Variants in CCDC102B observed in about 807,000 individuals in gnomAD.
CCDC102B encodes coiled-coil domain-containing protein 102B.
A neutral mutation model predicts 57.4 loss-of-function variants in CCDC102B; 75 were observed. That is an observed-to-expected ratio of 1.31 (90% CI 1.08 to 1.58). CCDC102B has a LOEUF of 1.58. CCDC102B is among the 40% of genes most tolerant of loss of function. CCDC102B has a pLI of 0.00. For missense variants in CCDC102B, 636 were observed against 582.6 expected (o/e 1.09, Z -0.94); for synonymous variants, 206 against 201.9 (o/e 1.02, Z -0.17).
At chr18:68,989,689 C>A (rs1599803450) in intron 6 of CCDC102B, among the ~76,000 whole-genome samples, 2 of 152,310 alleles carry the variant, frequency 1.3e-5, no homozygotes, top group East Asian at 3.9e-4. Context: ...GTCTCTCTTG[C>A]CTGTGAGAGT....
Position 68,897,293 on chromosome 18 carries a change from G to T in CCDC102B, c.1128G>T (p.Leu376=). Residue 376 remains leucine, a synonymous_variant, in exon 6 of 8, where the codon CTG becomes CTT. Transcript: ENST00000360242. The part of the protein sequence containing the change: ...REILEREKQG[L]ERENRRLKIQ... ...TACTTGAAAGAGAAAAGCAGGGACTGGAGAGAGAAAATAGAAGGCTGAAGA... is the reference window on the plus strand; with the variant it reads ...TACTTGAAAGAGAAAAGCAGGGACTTGAGAGAGAAAATAGAAGGCTGAAGA... 1 of 1,613,084 alleles carries T rather than the reference G, an allele frequency of 6.2e-7. No individual in the cohort carries two copies. Among genetic ancestry groups the T allele is most frequent in the Non-Finnish European group, 8.5e-7 (1 of 1,179,294 alleles).
intron 2 of CCDC102B, among the ~76,000 whole-genome samples, chr18:68,790,478 C>G (rs28450189): frequency 0.29 from 44,758 of 151,774 alleles, 7,545 homozygotes; most frequent in Non-Finnish European, 0.39. Flanking sequence ...TAGCAATCAG[C>G]GAGACTCCGA....
chr18:68,892,340 TCA>T (rs2040109382), intron 5 of CCDC102B, among the ~76,000 whole-genome samples: 1 of 152,146 alleles, frequency 6.6e-6, no homozygotes, highest in South Asian at 2.1e-4. Context: ...AGATCTGTTC[TCA>T]GTTATTTCCC....
At chr18:68,874,961 C>T in intron 5 of CCDC102B, 176 bp downstream of exon 5, 2 of 460,416 alleles carry the variant, frequency 4.3e-6, no homozygotes, top group Non-Finnish European at 3.9e-6. Flanking sequence ...GACATTGGCC[C>T]ATAACTAGAT....
chr18:68,951,383 A>G (rs1357699662), intron 6 of CCDC102B, among the ~76,000 whole-genome samples: 1 of 152,194 alleles, frequency 6.6e-6, no homozygotes, highest in Non-Finnish European at 1.5e-5. Flanking sequence ...ATCACTCAAA[A>G]GACACATATT....
intron 7 of CCDC102B, chr18:69,011,313 A>T: frequency 2.0e-6 from 1 of 510,416 alleles, no homozygotes; most frequent in Non-Finnish European, 3.4e-6. Context: ...ATGTTTTACG[A>T]GTGCTCTATA....
chr18:68,973,627 G>A (rs995982), intron 6 of CCDC102B, among the ~76,000 whole-genome samples: 3,687 of 152,126 alleles, frequency 0.024, 118 homozygotes, highest in East Asian at 0.15. Flanking sequence ...AATGCTAGTT[G>A]TCAAAAATGT....
intron 1 of CCDC102B, among the ~76,000 whole-genome samples, chr18:68,825,466 G>C (rs2036870799): frequency 6.6e-6 from 1 of 152,170 alleles, no homozygotes; most frequent in African/African-American, 2.4e-5. Context: ...GAGGTGGGCA[G>C]TTCACTTGAA....
chr18:69,003,577 T>C (rs528825448), intron 6 of CCDC102B, among the ~76,000 whole-genome samples: 3 of 152,346 alleles, frequency 2.0e-5, no homozygotes, highest in African/African-American at 7.2e-5. Context: ...GCTGAGTTGC[T>C]TGGTCTACTC....
chr18:68,910,107 A>T (rs1284599701), intron 6 of CCDC102B, among the ~76,000 whole-genome samples: 2 of 152,180 alleles, frequency 1.3e-5, no homozygotes, highest in Non-Finnish European at 2.9e-5. Flanking sequence ...AGCCTGGCCA[A>T]CACGGTGAAA....
At chr18:68,813,737 C>T (rs1001563137) in intron 1 of CCDC102B, among the ~76,000 whole-genome samples, 4 of 150,660 alleles carry the variant, frequency 2.7e-5, no homozygotes, top group African/African-American at 9.8e-5. Context: ...CAATTGGGAA[C>T]ATTGCAGCAA....
intron 6 of CCDC102B, among the ~76,000 whole-genome samples, chr18:68,911,839 G>A (rs549733872): frequency 1.7e-4 from 25 of 144,950 alleles, no homozygotes; most frequent in African/African-American, 6.4e-4. Context: ...AATTTGTACA[G>A]CAAACCCCCA....
intron 2 of CCDC102B, among the ~76,000 whole-genome samples, chr18:68,763,895 C>G (rs752374644): frequency 3.3e-5 from 5 of 152,028 alleles, no homozygotes; most frequent in Non-Finnish European, 5.9e-5. Context: ...CCCCCATCAT[C>G]ATATAATAAT....
At chr18:68,852,808 T>C (rs1177865249) in intron 4 of CCDC102B, among the ~76,000 whole-genome samples, 1 of 152,210 alleles carries the variant, frequency 6.6e-6, no homozygotes, top group African/African-American at 2.4e-5. Context: ...AATTTTGTTT[T>C]TGAACGAAAC....
intron 4 of CCDC102B, among the ~76,000 whole-genome samples, chr18:68,857,286 T>TATAAA (rs1568292849): frequency 9.8e-4 from 7 of 7,122 alleles, no homozygotes; most frequent in East Asian, 5.6e-3. Flanking sequence ...TAATATATAT[T>TATAAA]TATATATTAT....
At chr18:68,731,890 C>T (rs1450996409) in intron 2 of CCDC102B, among the ~76,000 whole-genome samples, 1 of 85,168 alleles carries the variant, frequency 1.2e-5, no homozygotes, top group East Asian at 3.7e-4. Context: ...AAGCAAAGCT[C>T]TTTTTGGAGG....
intron 4 of CCDC102B, among the ~76,000 whole-genome samples, chr18:68,849,794 T>C (rs2038041664): frequency 6.6e-6 from 1 of 152,088 alleles, no homozygotes; most frequent in African/African-American, 2.4e-5. Context: ...ATACCCTAAA[T>C]TCCAGTAAGT....
chr18:68,831,326 A>G (rs1314043363), intron 1 of CCDC102B, among the ~76,000 whole-genome samples: 1 of 152,082 alleles, frequency 6.6e-6, no homozygotes, highest in African/African-American at 2.4e-5. Flanking sequence ...CAATAGCTTG[A>G]AGAGGGAGCA....
chr18:68,915,675 T>G (rs1282256354), intron 6 of CCDC102B, among the ~76,000 whole-genome samples: 1 of 152,236 alleles, frequency 6.6e-6, no homozygotes, highest in East Asian at 1.9e-4. Context: ...ACAAAAGTCA[T>G]TGAGGTTTTT....
Sources: gnomAD v4.1 joint callset for allele counts (sites outside exome capture counted in the v4.1 genomes callset) on GRCh38, gnomAD v4.1.1 for gene constraint, MANE v1.5 for transcripts, NCBI Gene and HGNC (gene_info 2026-07-23, HGNC 2026-07-21) for gene names.